The following TBX15 variants were observed in gnomAD, a reference collection of about 807,000 sequenced individuals.
The protein encoded by TBX15 is T-box transcription factor TBX15.
In TBX15, 18 loss-of-function variants were observed where a neutral mutation model predicts 53.9. The ratio of observed to expected loss-of-function variants is 0.33; its 90% CI spans 0.23 to 0.49. The LOEUF (loss-of-function observed/expected upper bound fraction) is 0.49. Among genes scored for constraint, TBX15 ranks in the 20% least tolerant of loss-of-function variants. The pLI is 0.98. For missense variants in TBX15, 692 were observed against 749.5 expected, an observed-to-expected ratio of 0.92 and a Z score of 0.90; for synonymous variants, 295 against 278.0, an observed-to-expected ratio of 1.06 and a Z score of -0.61.
At chr1:118,988,668 C>T (rs1173467229), upstream of TBX15, among the ~76,000 whole-genome samples, 1 of 152,212 alleles carries the variant, frequency 6.6e-6, no homozygotes, top group African/African-American at 2.4e-5. Context: ...TCCAGAGTCA[C>T]TTTAGTTGCA....
intron 2 of TBX15, among the ~76,000 whole-genome samples, chr1:118,930,191 G>A (rs115044892): frequency 2.0e-5 from 3 of 152,212 alleles, no homozygotes; most frequent in Admixed American, 1.3e-4. Context: ...TTATATACAC[G>A]TAGATAAACT....
chr1:118,966,519 T>C (rs1657038732), intron 1 of TBX15, among the ~76,000 whole-genome samples: 1 of 152,206 alleles, frequency 6.6e-6, no homozygotes, highest in Non-Finnish European at 1.5e-5. Flanking sequence ...GCCCTTAGAA[T>C]GTAAAATGGT....
intron 1 of TBX15, among the ~76,000 whole-genome samples, chr1:118,951,050 C>T (rs2101655808): frequency 6.6e-6 from 1 of 152,306 alleles, no homozygotes; most frequent in South Asian, 2.1e-4. Context: ...AAGATAGAAT[C>T]ATTACACAAT....
In TBX15 at chr1:118,962,731, C is replaced by T. The variant is rs945846129; in HGVS notation, c.205+24860G>A. On this transcript the variant is annotated intron_variant, in intron 1 of 7. Coordinates refer to ENST00000369429, the MANE Select transcript of TBX15 (RefSeq NM_001330677.2). ...CCCCTTTACAGTTTCCTCACTGTAT[C>T]GGTTTACTTAGCTACACAATAAAGC... Among the ~76,000 whole-genome samples, 6 of 152,276 alleles carry T rather than the reference C, an allele frequency of 3.9e-5. No homozygotes were observed. The East Asian group carries it at 7.7e-4, about 20-fold the overall frequency.
intron 1 of TBX15, among the ~76,000 whole-genome samples, chr1:118,952,022 T>C (rs558694271): frequency 6.6e-6 from 1 of 152,282 alleles, no homozygotes; most frequent in East Asian, 1.9e-4. Context: ...TATATGTAGA[T>C]CTTCTTTTGC....
At chr1:118,945,705 G>C (rs1656328113) in intron 1 of TBX15, among the ~76,000 whole-genome samples, 1 of 152,160 alleles carries the variant, frequency 6.6e-6, no homozygotes, top group Admixed American at 6.5e-5. Flanking sequence ...TCAGATGGGT[G>C]TGTTAATCAT....
At position 118,899,040 on chromosome 1, in the gene TBX15, G is replaced by A. The variant is rs1251236372; in HGVS notation, c.1012C>T (p.Gln338Ter). Reference protein sequence around the residue: ...TLTFEDFTTMQKQQGGSTGTS... With the variant: ...TLTFEDFTTM ...TCCAGGGCTTTACCTTGCTGCTTCT[G>A]CATGGTGGTGAAGTCTTCGAAGGTG... The change falls in exon 7 of 8, where the codon CAG (glutamine) becomes TAG (stop). Residue 338 changes from glutamine to a stop codon, truncating the protein, a stop_gained. Coordinates refer to ENST00000369429, the MANE Select transcript of TBX15 (RefSeq NM_001330677.2). LOFTEE classifies it high-confidence loss of function. 6.2e-7 allele frequency: 1 copy of A among 1,613,452 alleles called. No individual in the cohort carries two copies. Among genetic ancestry groups the A allele is most frequent in the Non-Finnish European group, 8.5e-7 (1 of 1,179,730 alleles).
chr1:118,949,134 G>C (rs780981009), intron 1 of TBX15, among the ~76,000 whole-genome samples: 9 of 152,180 alleles, frequency 5.9e-5, no homozygotes, highest in Non-Finnish European at 1.3e-4. Flanking sequence ...AGATTGATTA[G>C]TGATGTGTTT....
chr1:118,955,255 A>G (rs1262219504), intron 1 of TBX15, among the ~76,000 whole-genome samples: 1 of 152,204 alleles, frequency 6.6e-6, no homozygotes, highest in African/African-American at 2.4e-5. Context: ...TTAAAAAAAA[A>G]AATGGATGTT....
chr1:118,894,303 C>T (rs1299778869), intron 7 of TBX15, among the ~76,000 whole-genome samples: 3 of 152,138 alleles, frequency 2.0e-5, no homozygotes, highest in South Asian at 4.1e-4. Flanking sequence ...AGGCTCTTTC[C>T]TAAGCACTTT....
intron 7 of TBX15, among the ~76,000 whole-genome samples, chr1:118,893,315 A>AAGG (rs1557872393): frequency 1.7e-4 from 22 of 131,432 alleles, no homozygotes; most frequent in African/African-American, 6.1e-4. Flanking sequence ...GGAAGGAAGG[A>AAGG]AAGAAAGAAA....
chr1:118,987,828 C>T lies in TBX15; in HGVS notation c.-33G>A. On this transcript the variant is annotated 5_prime_UTR_variant, in exon 1 of 8. Coordinates refer to ENST00000369429, the MANE Select transcript of TBX15 (RefSeq NM_001330677.2). The stretch of plus-strand genomic sequence containing the variant: ...GCCCACACCCCTGCCTCCGCTTGCC[C>T]CCGCTACCGAGGGAGCAGCCGGCGC... 6.5e-7 allele frequency: 1 copy of T among 1,545,494 alleles called. No homozygotes were observed. The highest frequency in any genetic ancestry group is 8.7e-7 in the Non-Finnish European group (1 of 1,144,782).
intron 7 of TBX15, among the ~76,000 whole-genome samples, chr1:118,898,427 G>A (rs934539533): frequency 2.0e-5 from 3 of 152,110 alleles, no homozygotes; most frequent in East Asian, 1.9e-4. Flanking sequence ...CCTGAGCTGC[G>A]AGGAAAGAAA....
At chr1:118,918,683 C>T (rs1269890525) in intron 5 of TBX15, among the ~76,000 whole-genome samples, 2 of 152,118 alleles carry the variant, frequency 1.3e-5, no homozygotes, top group Non-Finnish European at 2.9e-5. Context: ...AACACTGAGG[C>T]ACATAAGGGG....
chr1:118,981,896 C>G (rs983225338), intron 1 of TBX15, among the ~76,000 whole-genome samples: 1 of 152,072 alleles, frequency 6.6e-6, no homozygotes, highest in African/African-American at 2.4e-5. Context: ...TTACTAGAAA[C>G]CAGGAAAAGC....
chr1:118,943,814 G>C (rs1480450967), intron 1 of TBX15, among the ~76,000 whole-genome samples: 2 of 152,042 alleles, frequency 1.3e-5, no homozygotes, highest in Admixed American at 6.6e-5. Context: ...CCTAGGTGAG[G>C]CTCCCAGGGA....
intron 7 of TBX15, among the ~76,000 whole-genome samples, chr1:118,888,206 C>T (rs1242747548): frequency 1.3e-5 from 2 of 152,206 alleles, no homozygotes; most frequent in Non-Finnish European, 2.9e-5. Flanking sequence ...CTATTAACCT[C>T]TGTCCAGCTC....
rs1557872458 is a variant in TBX15 at position 118,893,336 on chromosome 1, G to GAAA, written c.1024+5691_1024+5692insTTT. ...AAGGAAAGAAAGAAAGAAGAAAGAA[G>GAAA]GAAGGAAGGAAGGAAGGAAGGAAAG... On this transcript the variant is annotated intron_variant, in intron 7 of 7. Transcript: ENST00000369429. 2.7e-3 allele frequency among the ~76,000 whole-genome samples: 118 copies of GAAA among 44,416 alleles called. 3 individuals are homozygous for GAAA. Among genetic ancestry groups the GAAA allele is most frequent in the African/African-American group, 0.015 (100 of 6,526 alleles). The allele number at this position is 44,416 out of a possible 152,430, so 29.1% of individuals were successfully genotyped here.
intron 5 of TBX15, among the ~76,000 whole-genome samples, chr1:118,920,952 AT>A (rs977008400): frequency 1.3e-5 from 2 of 152,260 alleles, no homozygotes; most frequent in African/African-American, 4.8e-5. Context: ...AGGTGGGAGA[AT>A]TGCTTGAGCC....
Sources: allele counts gnomAD v4.1 joint callset (sites outside exome capture counted in the v4.1 genomes callset), GRCh38; gene constraint gnomAD v4.1.1; transcripts MANE v1.5; gene names NCBI Gene and HGNC (gene_info 2026-07-23, HGNC 2026-07-21).